XPR1: variants seen among roughly 807,000 people sequenced by gnomAD.
The protein encoded by XPR1 is xenotropic and polytropic retrovirus receptor 1, also known as solute carrier family 53 member 1.
XPR1 carries 28 observed loss-of-function variants against 87.5 expected under a neutral mutation model. That is an observed-to-expected ratio of 0.32 (90% confidence interval 0.24 to 0.44). The LOEUF is 0.44. Among genes scored for constraint, XPR1 ranks in the 20% least tolerant of loss-of-function variants. The pLI is 1.00. For synonymous variants in XPR1, 300 were observed against 306.1 expected, an observed-to-expected ratio of 0.98 and a Z score of 0.21; for missense variants, 559 against 862.3, an observed-to-expected ratio of 0.65 and a Z score of 4.41.
At chr1:180,843,975 G>A (rs1651599791) in intron 11 of XPR1, among the ~76,000 whole-genome samples, 1 of 152,168 alleles carries the variant, frequency 6.6e-6, no homozygotes, top group Admixed American at 6.5e-5. Flanking sequence ...CACTTTGGGA[G>A]GCTGAGGCAG....
chr1:180,683,942 G>T (rs1043136366), intron 2 of XPR1, among the ~76,000 whole-genome samples: 6 of 151,962 alleles, frequency 3.9e-5, no homozygotes, highest in African/African-American at 7.3e-5. Context: ...AGTTTCTTTT[G>T]CTGTGCAGAA....
intron 1 of XPR1, among the ~76,000 whole-genome samples, chr1:180,637,101 T>G (rs943385905): frequency 6.7e-6 from 1 of 149,898 alleles, no homozygotes; most frequent in African/African-American, 2.5e-5. Flanking sequence ...GAACTGTTAA[T>G]TTTACTTATT....
At chr1:180,695,273 T>G (rs527779215) in intron 2 of XPR1, among the ~76,000 whole-genome samples, 1 of 152,330 alleles carries the variant, frequency 6.6e-6, no homozygotes, top group Non-Finnish European at 1.5e-5. Context: ...TTTGAGTTCC[T>G]TGGGTATTCT....
At chr1:180,804,538 T>C (rs190190802) in intron 4 of XPR1, among the ~76,000 whole-genome samples, 2 of 152,292 alleles carry the variant, frequency 1.3e-5, no homozygotes, top group East Asian at 3.9e-4. Flanking sequence ...TTATTACTTA[T>C]AATGAGTGGT....
At chr1:180,879,198 TTC>T (rs1017018025) in intron 13 of XPR1, among the ~76,000 whole-genome samples, 3 of 152,330 alleles carry the variant, frequency 2.0e-5, no homozygotes, top group Non-Finnish European at 4.4e-5. Context: ...TTCTCATCAC[TTC>T]TGTTATTACC....
intron 6 of XPR1, among the ~76,000 whole-genome samples, chr1:180,806,826 A>AT (rs1319259422): frequency 6.6e-6 from 1 of 152,150 alleles, no homozygotes; most frequent in African/African-American, 2.4e-5. Flanking sequence ...TTAAGATGTG[A>AT]TTTAAAAAAA....
At chr1:180,787,006 G>A (rs1351858866) in intron 2 of XPR1, among the ~76,000 whole-genome samples, 4 of 152,074 alleles carry the variant, frequency 2.6e-5, no homozygotes, top group Non-Finnish European at 5.9e-5. Flanking sequence ...AAATCAACTC[G>A]TTTTTCCCAG....
Position 180,803,709 on chromosome 1 carries a change from A to C in XPR1, c.447+98A>C, listed in dbSNP as rs535208390. On this transcript the variant is annotated intron_variant, in intron 4 of 14. Transcript: ENST00000367590. The stretch of plus-strand genomic sequence containing the variant: ...AAGTATTACCAGTGGGTCAGTTCCA[A>C]AAAGGAAAATCCTTAACATGTTGTT... The C allele has an allele frequency of 6.1e-5, 62 of 1,013,948 alleles. No homozygotes were observed. The African/African-American group carries it at 9.4e-4, about 15-fold the overall frequency. 62.8% of individuals were successfully genotyped at this position (1,013,948 alleles called of 1,614,324 possible). A position where few individuals can be genotyped will look rare whatever the true frequency, so the allele number is the denominator to read the frequency against.
chr1:180,657,203 A>T (rs924795157), intron 1 of XPR1, among the ~76,000 whole-genome samples: 1 of 151,616 alleles, frequency 6.6e-6, no homozygotes, highest in Non-Finnish European at 1.5e-5. Context: ...TTTTTTTCCT[A>T]TAGAGTTATT....
At chr1:180,784,470 T>C (rs1243992335) in intron 2 of XPR1, among the ~76,000 whole-genome samples, 5 of 152,080 alleles carry the variant, frequency 3.3e-5, no homozygotes, top group African/African-American at 1.2e-4. Context: ...ATGTTAATCA[T>C]TTATTTTAAA....
At chr1:180,816,867 T>C (rs1042770549) in intron 7 of XPR1, among the ~76,000 whole-genome samples, 1 of 152,196 alleles carries the variant, frequency 6.6e-6, no homozygotes, top group South Asian at 2.1e-4. Flanking sequence ...TACTTATTAA[T>C]AAAAGAGTTA....
intron 2 of XPR1, among the ~76,000 whole-genome samples, chr1:180,727,884 A>G (rs1658409346): frequency 6.6e-6 from 1 of 152,196 alleles, no homozygotes; most frequent in Admixed American, 6.5e-5. Context: ...GGAGTGTAGC[A>G]GTAAGGATGA....
chr1:180,836,275 T>C (rs554028615), intron 10 of XPR1, among the ~76,000 whole-genome samples: 6 of 151,868 alleles, frequency 4.0e-5, no homozygotes, highest in Non-Finnish European at 7.4e-5. Context: ...AGAGAATCCC[T>C]GGAACCGGGA....
chr1:180,762,063 T>C (rs979452331), intron 2 of XPR1, among the ~76,000 whole-genome samples: 1 of 138,368 alleles, frequency 7.2e-6, no homozygotes, highest in Non-Finnish European at 1.5e-5. Context: ...TAGGTGGGAA[T>C]CGAACACTGA....
At chr1:180,739,627 A>G (rs1483010888) in intron 2 of XPR1, among the ~76,000 whole-genome samples, 1 of 152,194 alleles carries the variant, frequency 6.6e-6, no homozygotes, top group African/African-American at 2.4e-5. Flanking sequence ...TTTTCCGTAT[A>G]CAGATCCTAT....
chr1:180,705,683 C>CAAAACAATAT (rs1377943573), intron 2 of XPR1, among the ~76,000 whole-genome samples: 2 of 152,036 alleles, frequency 1.3e-5, no homozygotes, highest in Non-Finnish European at 1.5e-5. Context: ...AACATGTTAG[C>CAAAACAATAT]AAAACAATAT....
chr1:180,713,152 C>T (rs1024461272), intron 2 of XPR1, among the ~76,000 whole-genome samples: 19 of 151,868 alleles, frequency 1.3e-4, no homozygotes, highest in Admixed American at 3.9e-4. Context: ...TCTCTTTGGT[C>T]TTCTTTAATT....
rs139083669 is a variant in XPR1 at position 180,779,780 on chromosome 1, C to T, written c.122-7973C>T. ...TTTCTAATATATTCACAAGTTTGTG[C>T]AGCCATCACCACTATCTAATTCAAG... On this transcript the variant is annotated intron_variant, in intron 2 of 14. Transcript: ENST00000367590. Among the ~76,000 whole-genome samples, 441 of 152,178 alleles carry T rather than the reference C, an allele frequency of 2.9e-3. 3 individuals are homozygous for T. The highest frequency in any genetic ancestry group is 9.6e-3 in the African/African-American group (399 of 41,536).
chr1:180,685,138 T>G (rs1341731194), intron 2 of XPR1, among the ~76,000 whole-genome samples: 1 of 152,124 alleles, frequency 6.6e-6, no homozygotes, highest in African/African-American at 2.4e-5. Context: ...TAGATAGCTC[T>G]TATTATTTTG....
Sources: allele counts gnomAD v4.1 joint callset (sites outside exome capture counted in the v4.1 genomes callset), GRCh38; gene constraint gnomAD v4.1.1; transcripts MANE v1.5; gene names NCBI Gene and HGNC (gene_info 2026-07-23, HGNC 2026-07-21).